Variants in HIP1R observed in about 807,000 individuals in gnomAD.
HIP1R encodes huntingtin-interacting protein 1-related protein.
Under a neutral mutation model 144.2 loss-of-function variants are expected in HIP1R, and 135 were observed. The observed-to-expected ratio is 0.94, with a 90% CI of 0.81 to 1.08. The LOEUF is 1.08. Ranked by LOEUF, HIP1R falls within the 50% of genes least tolerant of loss-of-function variation. The pLI is 0.00. For missense variants in HIP1R, 1,462 were observed against 1,432.8 expected (o/e 1.02, Z -0.33); for synonymous variants, 698 against 612.8 (o/e 1.14, Z -2.05).
chr12:122,856,939 G>C, intron 17 of HIP1R, 82 bp from the exon 18 acceptor site: 1 of 1,329,946 alleles, frequency 7.5e-7, no homozygotes, highest in Non-Finnish European at 1.0e-6. Context: ...TAACCCCCAG[G>C]GCCCAGTTTA....
intron 7 of HIP1R, among the ~76,000 whole-genome samples, chr12:122,852,703 C>T (rs1045384882): frequency 9.2e-5 from 14 of 152,150 alleles, no homozygotes; most frequent in Admixed American, 2.0e-4. Context: ...GGCTGCGTCT[C>T]GCTGTCTGTG....
intron 1 of HIP1R, among the ~76,000 whole-genome samples, chr12:122,842,811 C>G (rs1245077236): frequency 1.3e-5 from 2 of 152,244 alleles, no homozygotes; most frequent in African/African-American, 4.8e-5. Flanking sequence ...CACTGAGATG[C>G]TCGCTGGGGT....
rs1187292254 is a variant in HIP1R, at chr12:122,856,700, C to G, written c.1594C>G (p.Gln532Glu). Residue 532 changes from glutamine (Q) to glutamate (E), a missense_variant, in exon 17 of 32, where the codon CAG (glutamine) becomes GAG (glutamate). Physicochemically the swap from Gln to Glu is conservative, Grantham distance 29. This residue lies in a region of HIP1R where 1,112 missense variants were observed against 1,011.7 expected (regional missense o/e 1.10). Coordinates refer to ENST00000253083, the MANE Select transcript of HIP1R (RefSeq NM_003959.3). The part of the protein sequence containing the change: ...EAKAGELARA[Q>E]EALSHTEQSK... ...CAAGGCCGGAGAGCTGGCCCGCGCG[C>G]AGGAGGCCCTGAGCCACACAGAGCA... The G allele has an allele frequency of 6.3e-7, 1 of 1,586,950 alleles. No homozygotes were observed. The highest frequency in any genetic ancestry group is 8.6e-7 in the Non-Finnish European group (1 of 1,167,258).
Position 122,856,265 on chromosome 12 carries a change from G to T in HIP1R, c.1322G>T (p.Ser441Ile), listed in dbSNP as rs763178327. 15 of 1,613,818 alleles carry T rather than the reference G, an allele frequency of 9.3e-6. No homozygotes were observed. In the East Asian group the frequency reaches 3.1e-4, roughly 34 times the overall value. The change falls in exon 15 of 32, where the codon AGT becomes ATT. Residue 441 changes from serine (S) to isoleucine (I), a missense_variant. Transcript: ENST00000253083. ...CTCCTCTCGCCCCCAGGGAAGGCCAGTGCCACGGAGGCGCGCTACAACAAG... is the reference window on the plus strand; with the variant it reads ...CTCCTCTCGCCCCCAGGGAAGGCCATTGCCACGGAGGCGCGCTACAACAAG... Reference protein sequence around the residue: ...GLREEAERKASATEARYNKLK... With the variant: ...GLREEAERKAIATEARYNKLK...
intron 6 of HIP1R, 52 bp downstream of exon 6, chr12:122,850,963 C>T (rs1461207082): frequency 1.3e-6 from 2 of 1,525,538 alleles, no homozygotes; most frequent in Non-Finnish European, 1.8e-6. Flanking sequence ...TTCCCCATTC[C>T]TTCCTACCGC....
intron 8 of HIP1R, 94 bp from the exon 9 acceptor site, chr12:122,854,811 C>T: frequency 7.6e-7 from 1 of 1,318,896 alleles, no homozygotes; most frequent in East Asian, 2.3e-5. Context: ...GATCTCTGAT[C>T]TGTGAGTTTG....
At chr12:122,856,193 A>C (rs2033569702) in intron 14 of HIP1R, 30 bp downstream of exon 14, 1 of 1,611,992 alleles carries the variant, frequency 6.2e-7, no homozygotes, top group Non-Finnish European at 8.5e-7. Flanking sequence ...CAGGGGTCCA[A>C]GGGTGTGTCC....
At chr12:122,847,312 A>C (rs1281390279) in intron 1 of HIP1R, among the ~76,000 whole-genome samples, 2 of 133,428 alleles carry the variant, frequency 1.5e-5, no homozygotes, top group Non-Finnish European at 1.7e-5. Flanking sequence ...GCGGGGGGGG[A>C]GGGGTGAGAC....
intron 1 of HIP1R, among the ~76,000 whole-genome samples, chr12:122,844,182 A>C (rs1472753373): frequency 6.6e-6 from 1 of 151,950 alleles, no homozygotes; most frequent in Non-Finnish European, 1.5e-5. Flanking sequence ...TCTGTTACCC[A>C]GGCTGCAGTG....
At position 122,860,537 on chromosome 12, in the gene HIP1R, G is replaced by A. The variant is rs748692614; in HGVS notation, c.2660+14G>A. On this transcript the variant is annotated intron_variant, in intron 27 of 31. Coordinates refer to ENST00000253083, the MANE Select transcript of HIP1R (RefSeq NM_003959.3). ...CACACAGCTGGTGTAGGTTGCCCTG[G>A]GTGGGGGGGGGCAGGGGGCTGCTTC... 6.2e-7 allele frequency: 1 copy of A among 1,602,770 alleles called. No individual in the cohort carries two copies. The highest frequency in any genetic ancestry group is 8.5e-7 in the Non-Finnish European group (1 of 1,170,862).
At position 122,860,442 on chromosome 12, in the gene HIP1R, A is replaced by G; in HGVS notation, c.2579A>G (p.Glu860Gly). The G allele has an allele frequency of 6.2e-7, 1 of 1,613,378 alleles. No individual in the cohort carries two copies. The highest frequency in any genetic ancestry group is 8.5e-7 in the Non-Finnish European group (1 of 1,180,000). ...CACTAGGGGGCAGCCACGCAGCAGG[A>G]ATTTTACGCCAAGAACTCGCGCTGG... is the stretch of plus-strand genomic sequence containing the variant. ...ESGRGAATQQ[E>G]FYAKNSRWTE... The change falls in exon 27 of 32, where the codon GAA becomes GGA. Residue 860 changes from glutamate (E) to glycine (G), a missense_variant. Glu to Gly is a moderately conservative substitution (Grantham distance 98). Coordinates refer to ENST00000253083, the MANE Select transcript of HIP1R (RefSeq NM_003959.3).
At chr12:122,851,366 A>C in intron 7 of HIP1R, 69 bp downstream of exon 7, 1 of 1,333,262 alleles carries the variant, frequency 7.5e-7, no homozygotes, top group Non-Finnish European at 1.0e-6. Flanking sequence ...GACGAGAAGA[A>C]AAAAGAAGAC....
At chr12:122,852,032 G>C (rs1009469980) in intron 7 of HIP1R, among the ~76,000 whole-genome samples, 1 of 152,214 alleles carries the variant, frequency 6.6e-6, no homozygotes, top group Non-Finnish European at 1.5e-5. Flanking sequence ...GGCCGCTGTT[G>C]GACAGGAAAT....
Position 122,859,379 on chromosome 12 carries a change from A to AC in HIP1R, c.2296-46dup, listed in dbSNP as rs778067011. On this transcript the variant is annotated intron_variant, in intron 22 of 31. Transcript: ENST00000253083. ...ACCTCTTTCCCAGGCTGCCCGTGGG[A>AC]CGGGGGGGGACGGAGGCTACCCCTG... The AC allele has an allele frequency of 8.6e-6, 13 of 1,509,676 alleles. No homozygotes were observed. In the East Asian group the frequency reaches 2.1e-4, roughly 24 times the overall value. The allele number at this position is 1,509,676 out of a possible 1,614,324, so 93.5% of individuals were successfully genotyped here.
At chr12:122,852,054 C>T (rs987414449) in intron 7 of HIP1R, among the ~76,000 whole-genome samples, 3 of 152,228 alleles carry the variant, frequency 2.0e-5, no homozygotes, top group Non-Finnish European at 4.4e-5. Flanking sequence ...TCAGAGGGCT[C>T]AGCTTCCAGG....
chr12:122,858,450 G>A lies in HIP1R; in HGVS notation c.2050+15G>A, dbSNP rs914817768. 8.8e-6 allele frequency: 14 copies of A among 1,587,048 alleles called. No homozygotes were observed. Among genetic ancestry groups the A allele is most frequent in the African/African-American group, 1.3e-5 (1 of 74,130 alleles). On this transcript the variant is annotated intron_variant, in intron 20 of 31. Coordinates refer to ENST00000253083, the MANE Select transcript of HIP1R (RefSeq NM_003959.3). ...CTCCTTGGCAGGTGAGTGTAGCCAG[G>A]GCAGGGCGGAGGCGGGGGCTGTGTC... is the stretch of plus-strand genomic sequence containing the variant.
chr12:122,842,212 G>A (rs1443706759), intron 1 of HIP1R, among the ~76,000 whole-genome samples: 2 of 152,206 alleles, frequency 1.3e-5, no homozygotes, highest in African/African-American at 2.4e-5. Flanking sequence ...GCGTCCGTCC[G>A]TGTGCCCCAG....
intron 15 of HIP1R, 41 bp downstream of exon 15, chr12:122,856,385 C>G: frequency 6.2e-7 from 1 of 1,610,638 alleles, no homozygotes; most frequent in Non-Finnish European, 8.5e-7. Context: ...GTGGCAGGGC[C>G]TCTCGGGGAT....
rs2033689664 is a variant in HIP1R at position 122,859,279 on chromosome 12, T to C, written c.2295+82T>C. ...CCCACCTCTGGGTTGGCTGAACAGG[T>C]GTTTGTGCGTGGAGCCTGCAGCCTC... On this transcript the variant is annotated intron_variant, in intron 22 of 31. Transcript: ENST00000253083. The C allele has an allele frequency of 5.3e-6, 8 of 1,499,116 alleles. No homozygotes were observed. The Admixed American group carries it at 1.6e-4, about 30-fold the overall frequency. The allele number at this position is 1,499,116 out of a possible 1,614,324, so 92.9% of individuals were successfully genotyped here.
Sources: gnomAD v4.1 joint callset for allele counts (sites outside exome capture counted in the v4.1 genomes callset) on GRCh38, gnomAD v4.1.1 for gene constraint, gnomAD v4.1.1 regional missense constraint, MANE v1.5 for transcripts, NCBI Gene and HGNC (gene_info 2026-07-23, HGNC 2026-07-21) for gene names.